DDHD1: variants seen among roughly 807,000 people sequenced by gnomAD.
The protein encoded by DDHD1 is phospholipase DDHD1.
A neutral mutation model predicts 96.4 loss-of-function variants in DDHD1; 49 were observed. That is an observed-to-expected ratio of 0.51 (90% CI 0.40 to 0.64). DDHD1 has a LOEUF of 0.64. Among genes scored for constraint, DDHD1 ranks in the 30% least tolerant of loss-of-function variants. The probability of loss-of-function intolerance (pLI) is 0.00; values close to 1 mark genes in which losing one functional copy is unlikely to be tolerated. For missense variants in DDHD1, 1,106 were observed against 1,161.2 expected (o/e 0.95, Z 0.69); for synonymous variants, 442 against 446.5 (o/e 0.99, Z 0.13).
At chr14:53,152,161 G>A (rs1218757647) in intron 1 of DDHD1, 100 bp downstream of exon 1, 1 of 1,241,504 alleles carries the variant, frequency 8.1e-7, no homozygotes, top group African/African-American at 1.5e-5. Flanking sequence ...CAGGCCTCAC[G>A]CGCCTCCCTC....
At chr14:53,056,831 T>A (rs1595093238) in intron 9 of DDHD1, among the ~76,000 whole-genome samples, 1 of 152,318 alleles carries the variant, frequency 6.6e-6, no homozygotes, top group African/African-American at 2.4e-5. Context: ...GAGTTTGGAA[T>A]CCTCCTTTAA....
Position 53,055,654 on chromosome 14 carries a change from A to T in DDHD1, c.2245+6T>A. On this transcript the variant is annotated splice_donor_region_variant and intron_variant, in intron 10 of 12. Transcript: ENST00000673822. ...GCATAGATAAGGAATACATAAGAGAAATTACCTAATATGCTTGCTTTGCCT... is the reference window on the plus strand; with the variant it reads ...GCATAGATAAGGAATACATAAGAGATATTACCTAATATGCTTGCTTTGCCT... The T allele has an allele frequency of 1.2e-6, 2 of 1,613,712 alleles. No individual in the cohort carries two copies. The highest frequency in any genetic ancestry group is 1.7e-6 in the Non-Finnish European group (2 of 1,179,676).
At chr14:53,124,261 A>G (rs950773089) in intron 1 of DDHD1, among the ~76,000 whole-genome samples, 7 of 151,426 alleles carry the variant, frequency 4.6e-5, no homozygotes, top group Admixed American at 4.6e-4. Flanking sequence ...ATATATATAT[A>G]TATGGTTAAA....
chr14:53,134,386 G>A (rs577009941), intron 1 of DDHD1, among the ~76,000 whole-genome samples: 234 of 151,678 alleles, frequency 1.5e-3, no homozygotes, highest in Non-Finnish European at 2.8e-3. Context: ...CAATACTTTC[G>A]CCCTGACGAA....
chr14:53,053,296 A>G (rs986182823), intron 11 of DDHD1: 2 of 152,164 alleles, frequency 1.3e-5, no homozygotes, highest in African/African-American at 4.8e-5. Context: ...CAAGTCAGAA[A>G]TAGTATGAGA....
intron 1 of DDHD1, among the ~76,000 whole-genome samples, chr14:53,142,211 C>A (rs1227469319): frequency 6.6e-6 from 1 of 152,214 alleles, no homozygotes; most frequent in African/African-American, 2.4e-5. Flanking sequence ...CAACAAAGAT[C>A]TGTGTATCTG....
intron 8 of DDHD1, among the ~76,000 whole-genome samples, chr14:53,060,300 C>T (rs1883438976): frequency 6.6e-6 from 1 of 152,170 alleles, no homozygotes; most frequent in Admixed American, 6.5e-5. Context: ...ATGCTGACAC[C>T]TCTGCCACAT....
At chr14:53,063,682 TTAGA>T (rs1883788901) in intron 6 of DDHD1, among the ~76,000 whole-genome samples, 1 of 152,034 alleles carries the variant, frequency 6.6e-6, no homozygotes, top group African/African-American at 2.4e-5. Context: ...TATTGTGCAT[TTAGA>T]TAGAGTAATG....
At chr14:53,116,154 C>T (rs1888526874) in intron 1 of DDHD1, among the ~76,000 whole-genome samples, 1 of 152,188 alleles carries the variant, frequency 6.6e-6, no homozygotes, top group Admixed American at 6.5e-5. Flanking sequence ...GTAAAGGGAT[C>T]AATGCAACAA....
Position 53,051,929 on chromosome 14 carries a change from T to G in DDHD1, c.2438-2A>C. 1 of 1,576,476 alleles carries G rather than the reference T, an allele frequency of 6.3e-7. No homozygotes were observed. The highest frequency in any genetic ancestry group is 1.3e-5 in the African/African-American group (1 of 74,206). On this transcript the variant is annotated splice_acceptor_variant, in intron 11 of 12. Coordinates refer to ENST00000673822, the MANE Select transcript of DDHD1 (RefSeq NM_001160148.2). LOFTEE classifies it high-confidence loss of function. ...AGAACGATTCTTGAAGTCTGAAATC[T>G]GTGAAAAAAAAACACAAGATGCTGT...
intron 2 of DDHD1, among the ~76,000 whole-genome samples, chr14:53,094,425 G>C (rs1886699613): frequency 1.3e-5 from 2 of 152,164 alleles, no homozygotes; most frequent in African/African-American, 4.8e-5. Flanking sequence ...TGGTTGGCTG[G>C]GTGCAGTCAG....
chr14:53,113,974 G>A (rs1252962835), intron 1 of DDHD1, among the ~76,000 whole-genome samples: 1 of 152,212 alleles, frequency 6.6e-6, no homozygotes, highest in Non-Finnish European at 1.5e-5. Flanking sequence ...CCACTGGCTT[G>A]AAATTCTCAC....
rs369532846 is a variant in DDHD1, at chr14:53,090,520, T to C, written c.1289+1265A>G. On this transcript the variant is annotated intron_variant, in intron 4 of 12. Coordinates refer to ENST00000673822, the MANE Select transcript of DDHD1 (RefSeq NM_001160148.2). Reference sequence around the variant, plus strand: ...CTGGATTAAGAAAATGTGACACATATACACCATGGAATATGACACAGCCAT... The same window carrying C: ...CTGGATTAAGAAAATGTGACACATACACACCATGGAATATGACACAGCCAT... Among the ~76,000 whole-genome samples the C allele has an allele frequency of 3.3e-5, 5 of 152,194 alleles. No homozygotes were observed. The East Asian group carries it at 7.7e-4, about 23-fold the overall frequency.
At position 53,152,977 on chromosome 14, in the gene DDHD1, A is replaced by C. The variant is rs754571465; in HGVS notation, c.122T>G (p.Phe41Cys). The change falls in exon 1 of 13, where the codon TTC becomes TGC. Residue 41 changes from phenylalanine (F) to cysteine (C), a missense_variant. Physicochemically the swap from Phe to Cys is radical, Grantham distance 205. Transcript: ENST00000673822. ...RPAFGGGVCC[F>C]EHLPGGDPDD... ...CGGGTCCCCGCCGGGCAGGTGCTCG[A>C]AGCAGCAGACGCCGCCGCCGAACGC... 1.7e-5 allele frequency: 27 copies of C among 1,570,076 alleles called. No homozygotes were observed. Among genetic ancestry groups the C allele is most frequent in the Admixed American group, 3.8e-5 (2 of 53,216 alleles).
chr14:53,083,715 C>T (rs1885690890), intron 4 of DDHD1, among the ~76,000 whole-genome samples: 1 of 152,196 alleles, frequency 6.6e-6, no homozygotes, highest in Non-Finnish European at 1.5e-5. Context: ...TAGGCCCGAA[C>T]ACTGAACTTA....
chr14:53,138,697 A>G (rs577028866), intron 1 of DDHD1, among the ~76,000 whole-genome samples: 1 of 152,322 alleles, frequency 6.6e-6, no homozygotes, highest in East Asian at 1.9e-4. Flanking sequence ...GATGCCATAC[A>G]AGCCAGTAAA....
chr14:53,078,120 T>C (rs1885132539), intron 4 of DDHD1, among the ~76,000 whole-genome samples: 2 of 152,158 alleles, frequency 1.3e-5, no homozygotes, highest in African/African-American at 4.8e-5. Flanking sequence ...GGACATACAT[T>C]TTCAGATCTC....
In DDHD1 at chr14:53,141,009, G is replaced by A. The variant is rs185425676; in HGVS notation, c.838+11252C>T. 1.1e-4 allele frequency among the ~76,000 whole-genome samples: 16 copies of A among 152,252 alleles called. No homozygotes were observed. The East Asian group carries it at 1.3e-3, about 13-fold the overall frequency. On this transcript the variant is annotated intron_variant, in intron 1 of 12. Transcript: ENST00000673822. The stretch of plus-strand genomic sequence containing the variant: ...AAAGTGATAAAGGCAGTATTTCATC[G>A]AAGGATGTAATAATCCTAAATGTAT...
At chr14:53,054,176 A>G (rs1882842106) in intron 11 of DDHD1, 1 of 365,132 alleles carries the variant, frequency 2.7e-6, no homozygotes, top group South Asian at 7.1e-5. Context: ...GATTTGTTTT[A>G]TGCTTGATGG....
Sources: gnomAD v4.1 joint callset for allele counts (sites outside exome capture counted in the v4.1 genomes callset) on GRCh38, gnomAD v4.1.1 for gene constraint, MANE v1.5 for transcripts, NCBI Gene and HGNC (gene_info 2026-07-23, HGNC 2026-07-21) for gene names.